The following DDC variants were observed in gnomAD, a reference collection of about 807,000 sequenced individuals.
DDC encodes the protein aromatic-L-amino-acid decarboxylase.
Under a neutral mutation model 60.0 loss-of-function variants are expected in DDC, and 43 were observed. The ratio of observed to expected loss-of-function variants is 0.72; its 90% CI spans 0.56 to 0.92. The LOEUF (loss-of-function observed/expected upper bound fraction) is 0.92. DDC is among the 40% of genes least tolerant of loss of function. The probability of loss-of-function intolerance (pLI) is 0.00; values close to 1 mark genes in which losing one functional copy is unlikely to be tolerated. For synonymous variants in DDC, 232 were observed against 234.6 expected (o/e 0.99, Z 0.10); for missense variants, 573 against 620.2 (o/e 0.92, Z 0.81).
intron 9 of DDC, among the ~76,000 whole-genome samples, chr7:50,490,927 G>A (rs2042986166): frequency 6.6e-6 from 1 of 152,162 alleles, no homozygotes; most frequent in Non-Finnish European, 1.5e-5. Context: ...TGGGGAACTG[G>A]AAAGAGAAAA....
chr7:50,530,606 A>C (rs2044172647), intron 4 of DDC, among the ~76,000 whole-genome samples: 1 of 152,080 alleles, frequency 6.6e-6, no homozygotes, highest in Admixed American at 6.5e-5. Flanking sequence ...AGGTTCACTA[A>C]CTTGCCCCAA....
chr7:50,532,272 A>G (rs182430421), intron 4 of DDC, among the ~76,000 whole-genome samples: 21 of 152,334 alleles, frequency 1.4e-4, no homozygotes, highest in Non-Finnish European at 2.8e-4. Context: ...TTCATCCAGA[A>G]AAAAACTGAG....
chr7:50,495,942 A>G (rs1216141316), intron 8 of DDC, among the ~76,000 whole-genome samples: 2 of 152,190 alleles, frequency 1.3e-5, no homozygotes, highest in Non-Finnish European at 2.9e-5. Flanking sequence ...CTCAGACTAC[A>G]CGTGTCATGA....
intron 6 of DDC, among the ~76,000 whole-genome samples, chr7:50,518,820 T>G (rs2043810495): frequency 6.6e-6 from 1 of 152,220 alleles, no homozygotes; most frequent in Admixed American, 6.5e-5. Context: ...CTTGTAGACA[T>G]TGGCTTAGGC....
Position 50,485,357 on chromosome 7 carries a change from T to C in DDC, c.945-5494A>G, listed in dbSNP as rs188243048. 2.2e-3 allele frequency among the ~76,000 whole-genome samples: 342 copies of C among 152,360 alleles called. 2 individuals carry two copies. Among genetic ancestry groups the C allele is most frequent in the Non-Finnish European group, 3.5e-3 (238 of 68,028 alleles). ...ATGTATTTACTGTGCTTATAATGAT[T>C]GCCAGTTTCAGAAACTTCAATTATT... On this transcript the variant is annotated intron_variant, in intron 9 of 14. Coordinates refer to ENST00000444124, the MANE Select transcript of DDC (RefSeq NM_001082971.2).
chr7:50,537,123 A>G lies in DDC; in HGVS notation c.435+737T>C, dbSNP rs549574622. On this transcript the variant is annotated intron_variant, in intron 4 of 14. Coordinates refer to ENST00000444124, the MANE Select transcript of DDC (RefSeq NM_001082971.2). ...ACCCCAGTGGAATAGAAATTCCATC[A>G]TGATTGTCTTTTGTCTATCTTGTTC... Among the ~76,000 whole-genome samples the G allele has an allele frequency of 1.2e-3, 177 of 151,354 alleles. 1 individual carries two copies. Among genetic ancestry groups the G allele is most frequent in the Non-Finnish European group, 2.3e-3 (153 of 67,926 alleles).
intron 9 of DDC, among the ~76,000 whole-genome samples, chr7:50,494,334 C>T (rs11575432): frequency 4.9e-4 from 74 of 152,174 alleles, no homozygotes; most frequent in East Asian, 2.3e-3. Flanking sequence ...GGTGAAACCT[C>T]GTCTCTACTA....
At chr7:50,489,392 TCTAA>T (rs1346766361) in intron 9 of DDC, among the ~76,000 whole-genome samples, 1 of 152,240 alleles carries the variant, frequency 6.6e-6, no homozygotes, top group East Asian at 1.9e-4. Context: ...TCTTCCTATG[TCTAA>T]CTAATTAAAG....
chr7:50,537,422 G>A (rs1453863516), intron 4 of DDC, among the ~76,000 whole-genome samples: 1 of 152,192 alleles, frequency 6.6e-6, no homozygotes, highest in Admixed American at 6.5e-5. Context: ...CTGTAAAAAG[G>A]GCTATTAAAA....
At chr7:50,529,490 A>G (rs1397730634) in intron 4 of DDC, 148 bp from the exon 5 acceptor site, 5 of 943,284 alleles carry the variant, frequency 5.3e-6, no homozygotes. Flanking sequence ...GCTTAGGAGA[A>G]AACTAATATT....
chr7:50,553,437 C>T (rs1292889837), intron 1 of DDC, among the ~76,000 whole-genome samples: 2 of 152,028 alleles, frequency 1.3e-5, no homozygotes, highest in Non-Finnish European at 2.9e-5. Context: ...TGGCTGATTT[C>T]CCCCTGGATT....
At chr7:50,543,483 C>A in intron 2 of DDC, 2 of 324,250 alleles carry the variant, frequency 6.2e-6, no homozygotes, top group Non-Finnish European at 1.2e-5. Flanking sequence ...TTACCTATTG[C>A]TAAACCCAAG....
intron 9 of DDC, among the ~76,000 whole-genome samples, chr7:50,481,997 T>C (rs1416982496): frequency 6.6e-6 from 1 of 152,248 alleles, no homozygotes; most frequent in African/African-American, 2.4e-5. Context: ...TTCCCATTTA[T>C]TGATAGACAA....
chr7:50,555,357 A>G (rs932077610), intron 1 of DDC, among the ~76,000 whole-genome samples: 1 of 152,136 alleles, frequency 6.6e-6, no homozygotes, highest in Non-Finnish European at 1.5e-5. Flanking sequence ...TTAATGCTTT[A>G]TTGGTGAGAG....
At position 50,478,131 on chromosome 7, in the gene DDC, T is replaced by A. The variant is rs144298847; in HGVS notation, c.1022-1488A>T. On this transcript the variant is annotated intron_variant, in intron 10 of 14. Coordinates refer to ENST00000444124, the MANE Select transcript of DDC (RefSeq NM_001082971.2). ...GGAAGGCTGAAGTGGGAGGATCACT[T>A]GAGCCTGGGAGGTGGAGGCTGCAGA... 9.2e-4 allele frequency among the ~76,000 whole-genome samples: 140 copies of A among 152,198 alleles called. 1 individual carries two copies. The highest frequency in any genetic ancestry group is 3.1e-3 in the African/African-American group (127 of 41,522).
chr7:50,551,108 G>T (rs777444986), intron 1 of DDC, among the ~76,000 whole-genome samples: 1 of 151,824 alleles, frequency 6.6e-6, no homozygotes, highest in Non-Finnish European at 1.5e-5. Context: ...TATTTTTAGT[G>T]TCTTGAAAAT....
intron 4 of DDC, 107 bp from the exon 5 acceptor site, chr7:50,529,449 G>A: frequency 7.0e-7 from 1 of 1,424,470 alleles, no homozygotes. Flanking sequence ...CTTAAAATAT[G>A]AGTCTGAAAT....
Position 50,528,277 on chromosome 7 carries a change from G to C in DDC, c.574C>G (p.His192Asp). 6.2e-7 allele frequency: 1 copy of C among 1,614,054 alleles called. No homozygotes were observed. Among genetic ancestry groups the C allele is most frequent in the Non-Finnish European group, 8.5e-7 (1 of 1,179,978 alleles). The change falls in exon 6 of 15, where the codon CAC (histidine) becomes GAC (aspartate). Residue 192 changes from histidine to aspartate, a missense_variant. Physicochemically the swap from His to Asp is moderately conservative, Grantham distance 81. Transcript: ENST00000444124. ...AACCCAGCTCTTTCCACTGAGGAGT[G>C]TGCCTGGAAAGAAGACAGCAGAGTT... ...KLVAYSSDQA[H>D]SSVERAGLIG...
intron 6 of DDC, chr7:50,527,821 A>G: frequency 3.4e-6 from 1 of 296,964 alleles, no homozygotes; most frequent in Non-Finnish European, 6.5e-6. Context: ...GAGCCATGTC[A>G]GTTCTTCCAC....
Sources: gnomAD v4.1 joint callset for allele counts (sites outside exome capture counted in the v4.1 genomes callset) on GRCh38, gnomAD v4.1.1 for gene constraint, MANE v1.5 for transcripts, NCBI Gene and HGNC (gene_info 2026-07-23, HGNC 2026-07-21) for gene names.